Variants in L3MBTL3 observed in about 807,000 individuals in gnomAD.
The protein encoded by L3MBTL3 is L3MBTL histone methyl-lysine binding protein 3.
A neutral mutation model predicts 102.3 loss-of-function variants in L3MBTL3; 27 were observed. The observed-to-expected ratio is 0.26, with a 90% CI of 0.19 to 0.36. The LOEUF (loss-of-function observed/expected upper bound fraction) is 0.36. Among genes scored for constraint, L3MBTL3 ranks in the 10% least tolerant of loss-of-function variants. The pLI is 1.00. For synonymous variants in L3MBTL3, 340 were observed against 320.9 expected (o/e 1.06, Z -0.64); for missense variants, 798 against 955.3 (o/e 0.84, Z 2.17).
chr6:130,119,426 T>G (rs1392002592), intron 19 of L3MBTL3, among the ~76,000 whole-genome samples: 1 of 152,222 alleles, frequency 6.6e-6, no homozygotes, highest in Non-Finnish European at 1.5e-5. Flanking sequence ...AAGCTAATTT[T>G]AACATGTTGT....
chr6:130,075,212 G>A (rs1179650172), intron 13 of L3MBTL3, among the ~76,000 whole-genome samples: 1 of 152,108 alleles, frequency 6.6e-6, no homozygotes, highest in Non-Finnish European at 1.5e-5. Context: ...GGGCTAGATG[G>A]TGGTTATTGC....
intron 2 of L3MBTL3, among the ~76,000 whole-genome samples, chr6:130,028,348 T>C (rs1562247778): frequency 6.6e-6 from 1 of 152,178 alleles, no homozygotes; most frequent in Non-Finnish European, 1.5e-5. Flanking sequence ...AGGGACAGTG[T>C]TTTTGAGAAA....
chr6:130,100,813 C>T (rs562317324), intron 18 of L3MBTL3, among the ~76,000 whole-genome samples: 8 of 152,252 alleles, frequency 5.3e-5, no homozygotes, highest in Admixed American at 3.3e-4. Context: ...TATAAATTGT[C>T]TACACTGTAA....
intron 9 of L3MBTL3, among the ~76,000 whole-genome samples, chr6:130,059,725 AT>A (rs1480884595): frequency 6.6e-6 from 1 of 152,084 alleles, no homozygotes; most frequent in African/African-American, 2.4e-5. Context: ...AAACTTTTTG[AT>A]CTTTAACAGC....
chr6:130,019,240 G>T (rs1778766366), intron 1 of L3MBTL3: 1 of 145,064 alleles, frequency 6.9e-6, no homozygotes, highest in African/African-American at 2.5e-5. Context: ...CCACCGGGGT[G>T]CGTGTCCGGG....
chr6:130,073,724 A>C (rs970357362), intron 13 of L3MBTL3, among the ~76,000 whole-genome samples: 1 of 152,198 alleles, frequency 6.6e-6, no homozygotes, highest in Non-Finnish European at 1.5e-5. Context: ...GGGAACAAAC[A>C]GGAAGGATCC....
At chr6:130,037,845 A>G (rs1037658183) in intron 2 of L3MBTL3, among the ~76,000 whole-genome samples, 4 of 152,008 alleles carry the variant, frequency 2.6e-5, no homozygotes, top group South Asian at 2.1e-4. Context: ...AACTATATTC[A>G]CCCCCTGTGC....
intron 18 of L3MBTL3, among the ~76,000 whole-genome samples, 167 bp downstream of exon 18, chr6:130,094,534 A>G (rs1562305378): frequency 6.6e-6 from 1 of 152,246 alleles, no homozygotes; most frequent in Non-Finnish European, 1.5e-5. Flanking sequence ...TATCTATAGT[A>G]AAATCTTCCT....
At chr6:130,025,811 A>G (rs948510950) in intron 2 of L3MBTL3, among the ~76,000 whole-genome samples, 1 of 152,180 alleles carries the variant, frequency 6.6e-6, no homozygotes, top group Non-Finnish European at 1.5e-5. Flanking sequence ...TTGAACCTCT[A>G]TTTTGTCTAA....
Position 130,120,947 on chromosome 6 carries a change from A to G in L3MBTL3, c.1955A>G (p.His652Arg). The part of the protein sequence containing the change: ...ERTESEMRTS[H>R]EARGAREEPT... Reference sequence around the variant, plus strand: ...ACAGAAAGTGAAATGAGAACATCACATGAAGCCAGAGGTAGCCATAATAAT... The same window carrying G: ...ACAGAAAGTGAAATGAGAACATCACGTGAAGCCAGAGGTAGCCATAATAAT... Residue 652 changes from histidine (H) to arginine (R), a missense_variant, in exon 20 of 23, where the codon CAT becomes CGT. This residue lies in a region of L3MBTL3 where 306 missense variants were observed against 314.4 expected (regional missense o/e 0.97). Transcript: ENST00000361794. 6.2e-7 allele frequency: 1 copy of G among 1,609,656 alleles called. No homozygotes were observed. Among genetic ancestry groups the G allele is most frequent in the Non-Finnish European group, 8.5e-7 (1 of 1,176,416 alleles).
intron 19 of L3MBTL3, among the ~76,000 whole-genome samples, chr6:130,114,377 T>C (rs1442082089): frequency 6.6e-6 from 1 of 152,206 alleles, no homozygotes; most frequent in African/African-American, 2.4e-5. Flanking sequence ...GAAACCCTTT[T>C]CTGTAGAGTA....
intron 18 of L3MBTL3, 95 bp downstream of exon 18, chr6:130,094,462 A>C (rs1582551893): frequency 3.2e-6 from 2 of 633,382 alleles, no homozygotes. Context: ...ATGTGAACTA[A>C]TTTTAAATTC....
intron 15 of L3MBTL3, 64 bp from the exon 16 acceptor site, chr6:130,086,076 T>C: frequency 1.8e-6 from 2 of 1,093,254 alleles, no homozygotes; most frequent in South Asian, 2.6e-5. Context: ...TCTTCTTCTT[T>C]GTAACATCAA....
At chr6:130,041,689 C>G (rs982051924) in intron 2 of L3MBTL3, among the ~76,000 whole-genome samples, 1 of 152,136 alleles carries the variant, frequency 6.6e-6, no homozygotes, top group South Asian at 2.1e-4. Context: ...AGAAAGGGGC[C>G]AGAAGAAGGG....
At chr6:130,046,684 C>G (rs888116806) in intron 3 of L3MBTL3, among the ~76,000 whole-genome samples, 1 of 149,548 alleles carries the variant, frequency 6.7e-6, no homozygotes, top group Non-Finnish European at 1.5e-5. Flanking sequence ...TTTTGACTTT[C>G]TTGGTTGTAG....
In L3MBTL3 at chr6:130,041,486, G is replaced by A. The variant is rs114047940; in HGVS notation, c.-15-1199G>A. On this transcript the variant is annotated intron_variant, in intron 2 of 22. Coordinates refer to ENST00000361794, the MANE Select transcript of L3MBTL3 (RefSeq NM_032438.4). ...CATTGGAAAGGCAGGATAAATCCAT[G>A]TTTCCTTTTCCAAATAGTGAGTTGG... 2.1e-3 allele frequency among the ~76,000 whole-genome samples: 327 copies of A among 152,296 alleles called. 1 individual carries two copies. The highest frequency in any genetic ancestry group is 7.7e-3 in the African/African-American group (319 of 41,580).
chr6:130,049,681 C>A, intron 4 of L3MBTL3, 75 bp from the exon 5 acceptor site: 1 of 1,587,838 alleles, frequency 6.3e-7, no homozygotes, highest in East Asian at 2.2e-5. Context: ...AAAAGCCTGC[C>A]ACTTTTTTTC....
intron 2 of L3MBTL3, among the ~76,000 whole-genome samples, chr6:130,023,785 T>C (rs561419013): frequency 2.2e-4 from 34 of 152,310 alleles, no homozygotes; most frequent in African/African-American, 7.7e-4. Flanking sequence ...AGTCAGAATA[T>C]AGTGATTTAA....
intron 8 of L3MBTL3, among the ~76,000 whole-genome samples, chr6:130,055,661 CCTCT>C (rs1173727950): frequency 3.5e-5 from 1 of 28,662 alleles, no homozygotes; most frequent in Non-Finnish European, 1.5e-4. Context: ...TCCCTCCCTC[CCTCT>C]CTCTCCCTCC....
Sources: allele counts gnomAD v4.1 joint callset (sites outside exome capture counted in the v4.1 genomes callset), GRCh38; gene constraint gnomAD v4.1.1; regional missense constraint gnomAD v4.1.1; transcripts MANE v1.5; gene names NCBI Gene and HGNC (gene_info 2026-07-23, HGNC 2026-07-21).